Variants in FLI1 observed in about 807,000 individuals in gnomAD.
FLI1 encodes the protein Friend leukemia integration 1 transcription factor.
A neutral mutation model predicts 53.1 loss-of-function variants in FLI1; 13 were observed. That is an observed-to-expected ratio of 0.24 (90% CI 0.16 to 0.39). The LOEUF is 0.39. FLI1 is among the 10% of genes least tolerant of loss of function. The pLI, the probability that FLI1 is intolerant of heterozygous loss-of-function variation, is 1.00. For missense variants in FLI1, 424 were observed against 600.5 expected (o/e 0.71, Z 3.07); for synonymous variants, 244 against 236.7 (o/e 1.03, Z -0.28).
upstream of FLI1, among the ~76,000 whole-genome samples, chr11:128,685,681 T>C (rs1365291810): frequency 7.1e-5 from 9 of 126,920 alleles, no homozygotes; most frequent in African/African-American, 2.8e-4. Flanking sequence ...CCTGCACTAG[T>C]GTGTGTTCTC....
At chr11:128,725,643 TCTCC>T (rs140042679) in intron 1 of FLI1, among the ~76,000 whole-genome samples, 975 of 38,234 alleles carry the variant, frequency 0.026, 7 homozygotes, top group African/African-American at 0.045. Flanking sequence ...TTTCATTCTC[TCTCC>T]CTCTCTCTCT....
intron 5 of FLI1, among the ~76,000 whole-genome samples, chr11:128,797,389 A>C (rs898562921): frequency 2.0e-5 from 3 of 152,234 alleles, no homozygotes; most frequent in African/African-American, 7.2e-5. Flanking sequence ...GGACTTTGAG[A>C]CCAATGTCAG....
At chr11:128,722,544 G>A (rs1489222808) in intron 1 of FLI1, among the ~76,000 whole-genome samples, 1 of 152,192 alleles carries the variant, frequency 6.6e-6, no homozygotes, top group African/African-American at 2.4e-5. Flanking sequence ...TGTCTGCTGG[G>A]GAGAATCTTA....
intron 4 of FLI1, among the ~76,000 whole-genome samples, chr11:128,780,598 A>C (rs979995169): frequency 3.3e-5 from 5 of 152,242 alleles, no homozygotes; most frequent in African/African-American, 1.2e-4. Context: ...TCCGTTTCAA[A>C]AAAAATAAAT....
chr11:128,782,028 GT>G lies in FLI1; in HGVS notation c.655+8del. On this transcript the variant is annotated splice_donor_region_variant and intron_variant, in intron 5 of 8. Coordinates refer to ENST00000527786, the MANE Select transcript of FLI1 (RefSeq NM_002017.5). ...CACGATTGAGTGTCAAAGAAGGTAA[GT>G]TTGTTCTTTTGTGCACTTAAAATTT... is the stretch of plus-strand genomic sequence containing the variant. 1 of 1,612,438 alleles carries G rather than the reference GT, an allele frequency of 6.2e-7. No individual in the cohort carries two copies. Among genetic ancestry groups the G allele is most frequent in the South Asian group, 1.1e-5 (1 of 91,056 alleles).
At chr11:128,764,615 C>A (rs1329950905) in intron 2 of FLI1, 4 of 1,524,980 alleles carry the variant, frequency 2.6e-6, no homozygotes, top group Non-Finnish European at 3.5e-6. Context: ...TCCCGCACTC[C>A]CCCTCCCTCT....
intron 5 of FLI1, among the ~76,000 whole-genome samples, chr11:128,796,594 T>C (rs918379416): frequency 6.6e-6 from 1 of 152,224 alleles, no homozygotes; most frequent in African/African-American, 2.4e-5. Context: ...TGGTTCTTTT[T>C]CTTTTAACTA....
intron 1 of FLI1, among the ~76,000 whole-genome samples, chr11:128,735,484 A>G (rs575127069): frequency 6.6e-6 from 1 of 152,364 alleles, no homozygotes; most frequent in Non-Finnish European, 1.5e-5. Flanking sequence ...CATACTTCCT[A>G]AGATACCATT....
intron 5 of FLI1, among the ~76,000 whole-genome samples, chr11:128,790,093 T>TGTGC (rs778226607): frequency 0.076 from 11,452 of 151,486 alleles, 1,179 homozygotes; most frequent in African/African-American, 0.24. Flanking sequence ...TGTGTGTGTG[T>TGTGC]GTGCACGCGT....
chr11:128,701,477 A>G (rs1415860368), intron 1 of FLI1, among the ~76,000 whole-genome samples: 1 of 152,154 alleles, frequency 6.6e-6, no homozygotes, highest in Non-Finnish European at 1.5e-5. Flanking sequence ...GAGACTCATC[A>G]CCGTCATTCC....
chr11:128,787,371 A>G (rs1189473562), intron 5 of FLI1, among the ~76,000 whole-genome samples: 1 of 152,192 alleles, frequency 6.6e-6, no homozygotes, highest in Non-Finnish European at 1.5e-5. Context: ...CAGGTCATGA[A>G]GCAGAACAAG....
At chr11:128,768,494 C>A in intron 3 of FLI1, 2 of 515,044 alleles carry the variant, frequency 3.9e-6, no homozygotes, top group South Asian at 4.7e-5. Flanking sequence ...GCCTAGCCAA[C>A]GTGGTGAAAC....
At chr11:128,750,366 T>A (rs1335505907) in intron 1 of FLI1, among the ~76,000 whole-genome samples, 1 of 152,214 alleles carries the variant, frequency 6.6e-6, no homozygotes, top group Non-Finnish European at 1.5e-5. Context: ...TCAGGCCCCA[T>A]GTCTTGGGTC....
chr11:128,760,637 C>G (rs956304704), intron 2 of FLI1, among the ~76,000 whole-genome samples: 1 of 149,632 alleles, frequency 6.7e-6, no homozygotes, highest in Admixed American at 6.7e-5. Context: ...AAGCAATTCT[C>G]TTGCCTCAGC....
At chr11:128,696,704 T>C (rs1938095072) in intron 1 of FLI1, among the ~76,000 whole-genome samples, 1 of 152,204 alleles carries the variant, frequency 6.6e-6, no homozygotes, top group African/African-American at 2.4e-5. Context: ...TGTACACAAA[T>C]CCAGGGTGTC....
At chr11:128,692,314 G>C (rs182425487), upstream of FLI1, among the ~76,000 whole-genome samples, 380 of 152,266 alleles carry the variant, frequency 2.5e-3, no homozygotes, top group African/African-American at 8.6e-3. Flanking sequence ...CCAGGCAAAG[G>C]GGGGGACTGA....
intron 5 of FLI1, among the ~76,000 whole-genome samples, chr11:128,782,262 C>A (rs1941939141): frequency 6.6e-6 from 1 of 152,182 alleles, no homozygotes; most frequent in Non-Finnish European, 1.5e-5. Context: ...TCACTCCATG[C>A]AGGAAAACAT....
At chr11:128,700,255 A>T (rs1938267883) in intron 1 of FLI1, among the ~76,000 whole-genome samples, 1 of 152,206 alleles carries the variant, frequency 6.6e-6, no homozygotes, top group Non-Finnish European at 1.5e-5. Flanking sequence ...TGATGTCTCT[A>T]CTTCATATGG....
chr11:128,810,854 C>A lies in FLI1; in HGVS notation c.1225C>A (p.Pro409Thr). 1.2e-6 allele frequency: 2 copies of A among 1,614,066 alleles called. No homozygotes were observed. The highest frequency in any genetic ancestry group is 1.7e-6 in the Non-Finnish European group (2 of 1,179,904). The stretch of plus-strand genomic sequence containing the variant: ...TGTCCCTCCCCATCCATCCTCCATG[C>A]CTGTCACTTCCTCCAGCTTCTTTGG... ...NFVPPHPSSM[P>T]VTSSSFFGAA... The change falls in exon 9 of 9, where the codon CCT (proline) becomes ACT (threonine). Residue 409 changes from proline to threonine, a missense_variant. By Grantham distance (38) the Pro-to-Thr change is conservative. Coordinates refer to ENST00000527786, the MANE Select transcript of FLI1 (RefSeq NM_002017.5). The surrounding 1 kb of genome is among the most constrained non-coding windows in gnomAD (Gnocchi z 6.6).
Sources: gnomAD v4.1 joint callset for allele counts (sites outside exome capture counted in the v4.1 genomes callset) on GRCh38, gnomAD v4.1.1 for gene constraint, Gnocchi (gnomAD v3.1) non-coding constraint, MANE v1.5 for transcripts, NCBI Gene and HGNC (gene_info 2026-07-23, HGNC 2026-07-21) for gene names.